Variants in NFS1 observed in about 807,000 individuals in gnomAD.
NFS1 encodes the protein cysteine desulfurase.
NFS1 carries 26 observed loss-of-function variants against 57.3 expected under a neutral mutation model. That is an observed-to-expected ratio of 0.45 (90% confidence interval 0.33 to 0.63). The LOEUF is 0.63. Among genes scored for constraint, NFS1 ranks in the 20% least tolerant of loss-of-function variants. The probability of loss-of-function intolerance (pLI) is 0.02; values close to 1 mark genes in which losing one functional copy is unlikely to be tolerated. For synonymous variants in NFS1, 209 were observed against 216.3 expected, an observed-to-expected ratio of 0.97 and a Z score of 0.30; for missense variants, 505 against 605.8, an observed-to-expected ratio of 0.83 and a Z score of 1.75.
Position 35,678,548 on chromosome 20 carries a change from A to AG in NFS1, c.790+2188_790+2189insC, listed in dbSNP as rs1270491821. The stretch of plus-strand genomic sequence containing the variant: ...TGTCTCAAAAAAAAAAAAAAAAAAA[A>AG]TTAGCCAGGCATGGCCGGGCACAGT... On this transcript the variant is annotated intron_variant, in intron 7 of 12. Transcript: ENST00000374092. Among the ~76,000 whole-genome samples the AG allele has an allele frequency of 6.0e-4, 89 of 148,028 alleles. 1 individual carries two copies. Among genetic ancestry groups the AG allele is most frequent in the African/African-American group, 1.9e-3 (76 of 40,078 alleles).
chr20:35,698,333 C>G, intron 2 of NFS1, 148 bp downstream of exon 2: 1 of 644,448 alleles, frequency 1.6e-6, no homozygotes, highest in Admixed American at 3.2e-5. Context: ...CCAGTGGCCT[C>G]GAATTTAAGC....
intron 10 of NFS1, 175 bp downstream of exon 10, chr20:35,674,175 C>T (rs2146412752): frequency 1.6e-6 from 1 of 613,444 alleles, no homozygotes. Context: ...GGGTGGTAAA[C>T]TTCAGTCTGT....
intron 5 of NFS1, among the ~76,000 whole-genome samples, chr20:35,685,356 C>T (rs918409506): frequency 5.3e-5 from 8 of 151,506 alleles, no homozygotes; most frequent in Admixed American, 3.3e-4. Flanking sequence ...GTTCCTCTCT[C>T]ATTCATAAAT....
In NFS1 at chr20:35,699,282, G is replaced by A. The variant is rs1304139939; in HGVS notation, c.7C>T (p.Leu3Phe). 1.4e-6 allele frequency: 2 copies of A among 1,415,190 alleles called. No homozygotes were observed. The highest frequency in any genetic ancestry group is 1.8e-6 in the Non-Finnish European group (2 of 1,093,966). 87.7% of individuals were successfully genotyped at this position (1,415,190 alleles called of 1,614,324 possible). ML[L>F]RAAWRRAAVA... ...GCCGCCCGCCTCCAAGCGGCTCGGAGCAGCATGGTCCCGCTGGCAGAGCCC... is the reference window on the plus strand; with the variant it reads ...GCCGCCCGCCTCCAAGCGGCTCGGAACAGCATGGTCCCGCTGGCAGAGCCC... The change falls in exon 1 of 13, where the codon CTC (leucine) becomes TTC (phenylalanine). Residue 3 changes from leucine to phenylalanine, a missense_variant. Physicochemically the swap from Leu to Phe is conservative, Grantham distance 22. Coordinates refer to ENST00000374092, the MANE Select transcript of NFS1 (RefSeq NM_021100.5). The surrounding 1 kb of genome is among the most constrained non-coding windows in gnomAD (Gnocchi z 4.4).
intron 12 of NFS1, among the ~76,000 whole-genome samples, chr20:35,671,700 G>A (rs1342953475): frequency 6.6e-6 from 1 of 152,038 alleles, no homozygotes; most frequent in African/African-American, 2.4e-5. Flanking sequence ...GACCAGCCTG[G>A]GCAACATAGC....
Position 35,681,990 on chromosome 20 carries a change from A to G in NFS1, c.562-9T>C. The G allele has an allele frequency of 6.5e-7, 1 of 1,539,492 alleles. No homozygotes were observed. The highest frequency in any genetic ancestry group is 9.0e-7 in the Non-Finnish European group (1 of 1,112,570). On this transcript the variant is annotated splice_polypyrimidine_tract_variant and intron_variant, in intron 5 of 12. Transcript: ENST00000374092. The stretch of plus-strand genomic sequence containing the variant: ...ATAGCAGCCTCTAGTTCCTAGGGAT[A>G]TGCAGGAGTAAGGTGACTAGATAGT...
intron 7 of NFS1, among the ~76,000 whole-genome samples, chr20:35,676,758 G>GAAAAAAAAAAAAAAAAAAAAAAA (rs746820595): frequency 4.4e-4 from 8 of 18,130 alleles, no homozygotes; most frequent in Admixed American, 1.8e-3. Context: ...GAGAAAATCA[G>GAAAAAAAAAAAAAAAAAAAAAAA]AAAAAAAAAA....
At chr20:35,687,722 C>A (rs2034971347) in intron 5 of NFS1, among the ~76,000 whole-genome samples, 1 of 152,156 alleles carries the variant, frequency 6.6e-6, no homozygotes, top group Non-Finnish European at 1.5e-5. Context: ...CCCTGTGGGG[C>A]TGGACCCTAC....
In NFS1 at chr20:35,699,035, G is replaced by C; in HGVS notation, c.97+157C>G. ...GGTGGTGCGCCGGGGTCAACCGTTCGGGGACCCGCCTAAGAAAGTTTGAGG... is the reference window on the plus strand; with the variant it reads ...GGTGGTGCGCCGGGGTCAACCGTTCCGGGACCCGCCTAAGAAAGTTTGAGG... On this transcript the variant is annotated intron_variant, in intron 1 of 12. Coordinates refer to ENST00000374092, the MANE Select transcript of NFS1 (RefSeq NM_021100.5). The surrounding 1 kb of genome is among the most constrained non-coding windows in gnomAD (Gnocchi z 4.4). 3 of 1,320,310 alleles carry C rather than the reference G, an allele frequency of 2.3e-6. No homozygotes were observed. The highest frequency in any genetic ancestry group is 2.9e-6 in the Non-Finnish European group (3 of 1,037,916). 81.8% of individuals were successfully genotyped at this position (1,320,310 alleles called of 1,614,324 possible). A position where few individuals can be genotyped will look rare whatever the true frequency, so the allele number is the denominator to read the frequency against.
chr20:35,696,863 T>C (rs984657469), intron 3 of NFS1, among the ~76,000 whole-genome samples: 17 of 152,060 alleles, frequency 1.1e-4, no homozygotes, highest in African/African-American at 3.4e-4. Flanking sequence ...TCCCAGCACT[T>C]TGGGAGGCTG....
intron 1 of NFS1, chr20:35,698,800 G>T: frequency 7.2e-7 from 1 of 1,384,830 alleles, no homozygotes; most frequent in South Asian, 1.7e-5. Flanking sequence ...TGGAGGGGGT[G>T]TTGAGTTGAT....
At chr20:35,684,678 T>C (rs1336238121) in intron 5 of NFS1, among the ~76,000 whole-genome samples, 1 of 147,386 alleles carries the variant, frequency 6.8e-6, no homozygotes, top group East Asian at 2.1e-4. Context: ...TGAACCCAGG[T>C]GGCAGAGGTT....
At chr20:35,692,205 T>A (rs1309297474) in intron 4 of NFS1, 11 of 252,082 alleles carry the variant, frequency 4.4e-5, no homozygotes, top group Non-Finnish European at 6.9e-5. Flanking sequence ...AATAAATAAA[T>A]AAAAATAAAA....
chr20:35,690,578 G>A lies in NFS1; in HGVS notation c.409-13C>T. 2 of 1,613,358 alleles carry A rather than the reference G, an allele frequency of 1.2e-6. No individual in the cohort carries two copies. The highest frequency in any genetic ancestry group is 1.7e-6 in the Non-Finnish European group (2 of 1,179,676). On this transcript the variant is annotated splice_polypyrimidine_tract_variant and intron_variant, in intron 4 of 12. Coordinates refer to ENST00000374092, the MANE Select transcript of NFS1 (RefSeq NM_021100.5). ...ATCGGGCCACCCCCTAGAAATTGGTGGTGACAGATGGAAGGAGAACATACT... is the reference window on the plus strand; with the variant it reads ...ATCGGGCCACCCCCTAGAAATTGGTAGTGACAGATGGAAGGAGAACATACT...
Position 35,673,680 on chromosome 20 carries a change from A to G in NFS1, c.1141T>C (p.Cys381Arg). 1.2e-6 allele frequency: 2 copies of G among 1,613,166 alleles called. No homozygotes were observed. Among genetic ancestry groups the G allele is most frequent in the Non-Finnish European group, 1.7e-6 (2 of 1,179,302 alleles). The change falls in exon 11 of 13, where the codon TGC (cysteine) becomes CGC (arginine). Residue 381 changes from cysteine to arginine, a missense_variant. Physicochemically the swap from Cys to Arg is radical, Grantham distance 180. Transcript: ENST00000374092. ...GAGGGCTCCAGGGATGCAGAGGTGC[A>G]GGCACTGAGGAGAGAGACACGAACC... Reference protein sequence around the residue: ...KDVALSSGSACTSASLEPSYV... With the variant: ...KDVALSSGSARTSASLEPSYV...
At chr20:35,673,524 A>G in intron 11 of NFS1, 77 bp downstream of exon 11, 3 of 1,329,404 alleles carry the variant, frequency 2.3e-6, no homozygotes, top group South Asian at 2.4e-5. Flanking sequence ...TCAGGGTGGA[A>G]AAAGAAAAAA....
rs533154139 is a variant in NFS1 at position 35,698,734 on chromosome 20, A to C, written c.98-144T>G. The C allele has an allele frequency of 6.9e-4, 974 of 1,416,308 alleles. 5 individuals are homozygous for C. The African/African-American group carries it at 0.012, about 17-fold the overall frequency. 87.7% of individuals were successfully genotyped at this position (1,416,308 alleles called of 1,614,324 possible). A position where few individuals can be genotyped will look rare whatever the true frequency, so the allele number is the denominator to read the frequency against. On this transcript the variant is annotated intron_variant, in intron 1 of 12. Transcript: ENST00000374092. ...GTCGAATCTCAATGGAAAGAAAACA[A>C]CACCAGATACCTGACACGCTGTAAA... is the stretch of plus-strand genomic sequence containing the variant.
chr20:35,683,491 T>A (rs552722039), intron 5 of NFS1, among the ~76,000 whole-genome samples: 31 of 118,860 alleles, frequency 2.6e-4, no homozygotes, highest in African/African-American at 1.0e-3. Flanking sequence ...CAAAAAAATT[T>A]AAAAAAAGGC....
intron 8 of NFS1, 160 bp downstream of exon 8, chr20:35,674,885 T>G (rs2034714731): frequency 1.1e-6 from 1 of 939,974 alleles, no homozygotes; most frequent in Non-Finnish European, 1.6e-6. Flanking sequence ...AAGCCCATAA[T>G]GTCTCCCTCA....
Sources: gnomAD v4.1 joint callset for allele counts (sites outside exome capture counted in the v4.1 genomes callset) on GRCh38, gnomAD v4.1.1 for gene constraint, Gnocchi (gnomAD v3.1) non-coding constraint, MANE v1.5 for transcripts, NCBI Gene and HGNC (gene_info 2026-07-23, HGNC 2026-07-21) for gene names.